SLC6A11: variants seen among roughly 807,000 people sequenced by gnomAD.
The protein encoded by SLC6A11 is solute carrier family 6 member 11.
SLC6A11 carries 25 observed loss-of-function variants against 74.8 expected under a neutral mutation model. That is an observed-to-expected ratio of 0.33 (90% CI 0.24 to 0.47). The LOEUF (loss-of-function observed/expected upper bound fraction) is 0.47, where lower values mean the gene tolerates loss of function less well. Among genes scored for constraint, SLC6A11 ranks in the 20% least tolerant of loss-of-function variants. SLC6A11 has a pLI of 1.00. For missense variants in SLC6A11, 574 were observed against 837.0 expected, an observed-to-expected ratio of 0.69 and a Z score of 3.88; for synonymous variants, 330 against 330.2, an observed-to-expected ratio of 1.00 and a Z score of 0.01.
intron 6 of SLC6A11, among the ~76,000 whole-genome samples, chr3:10,882,598 C>T (rs1453649024): frequency 6.6e-6 from 1 of 152,062 alleles, no homozygotes; most frequent in Admixed American, 6.5e-5. Flanking sequence ...TTGAATGAAT[C>T]GAAGGAAGGA....
At chr3:10,878,149 T>C (rs952788413) in intron 6 of SLC6A11, among the ~76,000 whole-genome samples, 3 of 152,200 alleles carry the variant, frequency 2.0e-5, no homozygotes, top group African/African-American at 7.2e-5. Context: ...TCTCCTGGGA[T>C]TCCCTGTGGT....
chr3:10,846,334 T>C (rs1035362655), intron 5 of SLC6A11, among the ~76,000 whole-genome samples: 22 of 152,160 alleles, frequency 1.4e-4, no homozygotes, highest in African/African-American at 4.3e-4. Context: ...TCATGGTTGG[T>C]ATTATTACTA....
intron 13 of SLC6A11, among the ~76,000 whole-genome samples, chr3:10,936,743 G>C (rs1695764365): frequency 6.6e-6 from 1 of 152,184 alleles, no homozygotes; most frequent in Admixed American, 6.5e-5. Context: ...TTAAAACCTT[G>C]ACCACTGGAA....
At chr3:10,903,728 G>T (rs1330621853) in intron 6 of SLC6A11, among the ~76,000 whole-genome samples, 1 of 152,212 alleles carries the variant, frequency 6.6e-6, no homozygotes, top group Non-Finnish European at 1.5e-5. Context: ...GCTTCTGGCT[G>T]GGTTTCTGAA....
intron 6 of SLC6A11, among the ~76,000 whole-genome samples, chr3:10,877,813 T>C (rs866605911): frequency 3.3e-4 from 51 of 152,334 alleles, no homozygotes; most frequent in African/African-American, 1.2e-3. Context: ...GTTGACTCTT[T>C]CCTACAGGCC....
chr3:10,826,960 T>C (rs183497435), intron 4 of SLC6A11, among the ~76,000 whole-genome samples: 20 of 152,352 alleles, frequency 1.3e-4, no homozygotes, highest in African/African-American at 4.8e-4. Context: ...ATGGTTCTAG[T>C]TTTCTATTCA....
chr3:10,831,378 AT>A (rs1694294935), intron 4 of SLC6A11, among the ~76,000 whole-genome samples: 1 of 152,224 alleles, frequency 6.6e-6, no homozygotes, highest in African/African-American at 2.4e-5. Context: ...CATGTAAAAT[AT>A]TCTTAAATAT....
chr3:10,823,166 C>T, intron 3 of SLC6A11, 136 bp from the exon 4 acceptor site: 1 of 650,612 alleles, frequency 1.5e-6, no homozygotes, highest in South Asian at 1.8e-5. Flanking sequence ...TGATTTTCCC[C>T]ACTGCCCTTT....
chr3:10,844,769 C>T (rs1336053908), intron 5 of SLC6A11, among the ~76,000 whole-genome samples: 1 of 152,176 alleles, frequency 6.6e-6, no homozygotes, highest in Non-Finnish European at 1.5e-5. Context: ...GGGTGTATTT[C>T]TCCCTCACCT....
At chr3:10,861,392 C>T (rs1411436536) in intron 5 of SLC6A11, among the ~76,000 whole-genome samples, 1 of 149,012 alleles carries the variant, frequency 6.7e-6, no homozygotes, top group East Asian at 2.0e-4. Flanking sequence ...TGGTGGACAC[C>T]TGTAGTCCTA....
chr3:10,908,073 G>A (rs1348127216), intron 6 of SLC6A11, among the ~76,000 whole-genome samples: 1 of 152,148 alleles, frequency 6.6e-6, no homozygotes, highest in African/African-American at 2.4e-5. Context: ...CAAGGCTGCA[G>A]TGAGCCATGA....
At position 10,876,134 on chromosome 3, in the gene SLC6A11, G is replaced by A. The variant is rs28753873; in HGVS notation, c.891+1039G>A. Among the ~76,000 whole-genome samples the A allele has an allele frequency of 1.3e-4, 20 of 152,180 alleles. 1 individual carries two copies. The highest frequency in any genetic ancestry group is 1.9e-4 in the Non-Finnish European group (13 of 68,026). On this transcript the variant is annotated intron_variant, in intron 6 of 13. Transcript: ENST00000254488. ...GCCACCTCCTGTTAGGGGAGCTTGT[G>A]GGGGAAGCGTTTGTTGGGGGATGGT...
chr3:10,857,763 G>C (rs754939838), intron 5 of SLC6A11, among the ~76,000 whole-genome samples: 2 of 152,158 alleles, frequency 1.3e-5, no homozygotes, highest in Admixed American at 6.5e-5. Flanking sequence ...TTGTAACATG[G>C]CTTTTGTCAC....
At chr3:10,866,303 G>T (rs1575681352) in intron 5 of SLC6A11, among the ~76,000 whole-genome samples, 2 of 152,320 alleles carry the variant, frequency 1.3e-5, no homozygotes, top group East Asian at 3.9e-4. Context: ...CCAGAACATA[G>T]ATGGCCACGC....
At chr3:10,839,654 GAGGGCTCA>G (rs1295036739) in intron 4 of SLC6A11, among the ~76,000 whole-genome samples, 1 of 152,202 alleles carries the variant, frequency 6.6e-6, no homozygotes, top group African/African-American at 2.4e-5. Flanking sequence ...CCCAAAGGCT[GAGGGCTCA>G]AGTATGAATC....
rs566948591 is a variant in SLC6A11 at position 10,917,327 on chromosome 3, G to GA, written c.996-996dup. On this transcript the variant is annotated intron_variant, in intron 7 of 13. Transcript: ENST00000254488. Reference sequence around the variant, plus strand: ...GTCCAACAAGGGGAAAGTACCACTGGAAAAAATGGCTGGCTCCTCATGCCT... The same window carrying GA: ...GTCCAACAAGGGGAAAGTACCACTGGAAAAAAATGGCTGGCTCCTCATGCCT... Among the ~76,000 whole-genome samples, 25 of 152,300 alleles carry GA rather than the reference G, an allele frequency of 1.6e-4. No homozygotes were observed. The East Asian group carries it at 4.6e-3, about 28-fold the overall frequency.
intron 4 of SLC6A11, among the ~76,000 whole-genome samples, chr3:10,837,743 G>A (rs1694384873): frequency 6.6e-6 from 1 of 152,234 alleles, no homozygotes; most frequent in Non-Finnish European, 1.5e-5. Flanking sequence ...ATGAGTGTGT[G>A]ATGTAGAGGC....
intron 5 of SLC6A11, among the ~76,000 whole-genome samples, chr3:10,850,554 A>C (rs1694560856): frequency 6.6e-6 from 1 of 151,576 alleles, no homozygotes; most frequent in Non-Finnish European, 1.5e-5. Context: ...TAACCTCCTC[A>C]GAGAGGTCAG....
Position 10,849,019 on chromosome 3 carries a change from A to G in SLC6A11, c.756+4673A>G, listed in dbSNP as rs185921766. On this transcript the variant is annotated intron_variant, in intron 5 of 13. Coordinates refer to ENST00000254488, the MANE Select transcript of SLC6A11 (RefSeq NM_014229.3). ...GAGTTACTGTGCAGATTGAACACAAATGCATTGATCATAGTTCTGAGCTCA... is the reference window on the plus strand; with the variant it reads ...GAGTTACTGTGCAGATTGAACACAAGTGCATTGATCATAGTTCTGAGCTCA... 3.0e-3 allele frequency among the ~76,000 whole-genome samples: 460 copies of G among 152,288 alleles called. 2 individuals are homozygous for G. Among genetic ancestry groups the G allele is most frequent in the African/African-American group, 0.01 (425 of 41,558 alleles).
Sources: gnomAD v4.1 joint callset for allele counts (sites outside exome capture counted in the v4.1 genomes callset) on GRCh38, gnomAD v4.1.1 for gene constraint, MANE v1.5 for transcripts, NCBI Gene and HGNC (gene_info 2026-07-23, HGNC 2026-07-21) for gene names.